Variants in TESMIN observed in about 807,000 individuals in gnomAD.
The protein encoded by TESMIN is testis expressed metallothionein like protein.
Under a neutral mutation model 47.4 loss-of-function variants are expected in TESMIN, and 34 were observed. The ratio of observed to expected loss-of-function variants is 0.72; its 90% CI spans 0.55 to 0.96. TESMIN has a LOEUF of 0.96. Ranked by LOEUF, TESMIN falls within the 40% of genes least tolerant of loss-of-function variation. The probability of loss-of-function intolerance (pLI) is 0.00; values close to 1 mark genes in which losing one functional copy is unlikely to be tolerated. For missense variants in TESMIN, 610 were observed against 637.2 expected, an observed-to-expected ratio of 0.96 and a Z score of 0.46; for synonymous variants, 278 against 258.9, an observed-to-expected ratio of 1.07 and a Z score of -0.71.
intron 4 of TESMIN, among the ~76,000 whole-genome samples, chr11:68,742,687 G>C (rs1409397429): frequency 6.6e-6 from 1 of 151,984 alleles, no homozygotes; most frequent in Non-Finnish European, 1.5e-5. Context: ...TTCCCAAATT[G>C]TGTGCCAAGG....
chr11:68,736,193 T>A, intron 6 of TESMIN: 2 of 985,338 alleles, frequency 2.0e-6, no homozygotes, highest in Non-Finnish European at 2.4e-6. Context: ...GCATCAACAA[T>A]GTGTCAGAAT....
At chr11:68,730,093 G>T (rs889350401) in intron 6 of TESMIN, among the ~76,000 whole-genome samples, 1 of 152,228 alleles carries the variant, frequency 6.6e-6, no homozygotes, top group Admixed American at 6.5e-5. Flanking sequence ...TGAAGGCTCA[G>T]ATGATTGTTA....
downstream of TESMIN, among the ~76,000 whole-genome samples, chr11:68,706,317 C>T (rs1166673996): frequency 1.3e-5 from 2 of 152,232 alleles, no homozygotes; most frequent in Non-Finnish European, 2.9e-5. Flanking sequence ...CGTGCCTGCC[C>T]AGGTTGGCTC....
chr11:68,731,953 C>T (rs1277467527), intron 6 of TESMIN, among the ~76,000 whole-genome samples: 2 of 152,218 alleles, frequency 1.3e-5, no homozygotes, highest in Non-Finnish European at 2.9e-5. Flanking sequence ...AAATAACATC[C>T]TTTTCCAGTG....
At chr11:68,742,490 C>T in intron 4 of TESMIN, 96 bp from the exon 5 acceptor site, 1 of 685,608 alleles carries the variant, frequency 1.5e-6, no homozygotes. Flanking sequence ...TGGACATGTC[C>T]TGTGCAAAGT....
chr11:68,745,430 T>A (rs996214163), intron 3 of TESMIN, among the ~76,000 whole-genome samples: 1 of 152,108 alleles, frequency 6.6e-6, no homozygotes, highest in Non-Finnish European at 1.5e-5. Flanking sequence ...CAGGTAGCCA[T>A]GCCCCAGAGC....
rs746549709 is a variant in TESMIN at position 68,750,568 on chromosome 11, C to T, written c.93G>A (p.Glu31=). Residue 31 remains glutamate, a synonymous_variant, in exon 2 of 10, where the codon GAG becomes GAA. Coordinates refer to ENST00000255087, the MANE Select transcript of TESMIN (RefSeq NM_004923.3). ...TCACGGGGGCCTTCAGGCCGATGTT[C>T]TCCGAAGCGAACGGACCCTCGGGGC... ...LLSPEGPFAS[E]NIGLKAPVKY... is the part of the protein sequence containing the mutation. The T allele has an allele frequency of 1.9e-6, 3 of 1,607,790 alleles. No homozygotes were observed. In the Admixed American group the frequency reaches 5.0e-5, roughly 27 times the overall value.
chr11:68,750,076 G>T, intron 2 of TESMIN, 114 bp downstream of exon 2: 1 of 839,046 alleles, frequency 1.2e-6, no homozygotes, highest in Non-Finnish European at 1.7e-6. Flanking sequence ...GGCTGTGTGT[G>T]GTGTCACCAG....
In TESMIN at chr11:68,722,524, CAA is replaced by C. The variant is rs112503074; in HGVS notation, c.918-6587_918-6586del. Among the ~76,000 whole-genome samples the C allele has an allele frequency of 2.1e-5, 3 of 143,828 alleles. No individual in the cohort carries two copies. In the South Asian group the frequency reaches 6.6e-4, roughly 31 times the overall value. 94.4% of individuals were successfully genotyped at this position (143,828 alleles called of 152,430 possible). A position where few individuals can be genotyped will look rare whatever the true frequency, so the allele number is the denominator to read the frequency against. ...GGAACCTAAATAAAACTTAAAACTT[CAA>C]AAAAAAAAAGTTGTTACAAATAAGT... On this transcript the variant is annotated intron_variant, in intron 6 of 9. Transcript: ENST00000255087.
chr11:68,713,205 C>T (rs992047642), intron 8 of TESMIN, 65 bp downstream of exon 8: 25 of 1,475,104 alleles, frequency 1.7e-5, no homozygotes, highest in South Asian at 2.8e-5. Context: ...TTTTTTTAAC[C>T]ACAAAAGTTA....
At chr11:68,733,739 A>C (rs1483061263) in intron 6 of TESMIN, 1 of 152,224 alleles carries the variant, frequency 6.6e-6, no homozygotes, top group Non-Finnish European at 1.5e-5. Context: ...TAAAGATTAA[A>C]AAAGAAAATG....
intron 6 of TESMIN, among the ~76,000 whole-genome samples, chr11:68,728,569 GT>G (rs777916499): frequency 2.0e-5 from 3 of 152,254 alleles, no homozygotes; most frequent in Non-Finnish European, 4.4e-5. Flanking sequence ...TGAACAACAG[GT>G]TTTCAGTGTA....
At chr11:68,717,800 C>T (rs1406393569) in intron 6 of TESMIN, among the ~76,000 whole-genome samples, 1 of 152,122 alleles carries the variant, frequency 6.6e-6, no homozygotes. Flanking sequence ...CTGGGACCCC[C>T]CTGCCACCGT....
At chr11:68,747,147 A>G in intron 3 of TESMIN, 61 bp downstream of exon 3, 1 of 1,536,934 alleles carries the variant, frequency 6.5e-7, no homozygotes, top group South Asian at 1.1e-5. Context: ...TCGACTTAGT[A>G]ATGATGGGGT....
chr11:68,739,190 T>C (rs1194059004), intron 5 of TESMIN, among the ~76,000 whole-genome samples: 1 of 152,258 alleles, frequency 6.6e-6, no homozygotes, highest in Non-Finnish European at 1.5e-5. Context: ...ATCTTGACAT[T>C]TGAAGTCTTG....
chr11:68,710,625 G>A, intron 9 of TESMIN: 1 of 460,632 alleles, frequency 2.2e-6, no homozygotes, highest in Non-Finnish European at 3.8e-6. Flanking sequence ...GTACAAAACG[G>A]GAGTAACTCA....
intron 9 of TESMIN, among the ~76,000 whole-genome samples, chr11:68,709,924 G>A (rs1946042810): frequency 1.3e-5 from 2 of 152,238 alleles, no homozygotes; most frequent in Non-Finnish European, 2.9e-5. Context: ...AATCTCAGCA[G>A]TTTGGGACTC....
At chr11:68,742,025 G>T (rs1946463393) in intron 5 of TESMIN, among the ~76,000 whole-genome samples, 1 of 152,236 alleles carries the variant, frequency 6.6e-6, no homozygotes, top group Admixed American at 6.5e-5. Context: ...GGAATATGCT[G>T]TTGGTGGGGT....
rs149683443 is a variant in TESMIN at position 68,740,097 on chromosome 11, G to A, written c.829-1309C>T. On this transcript the variant is annotated intron_variant, in intron 5 of 9. Transcript: ENST00000255087. The stretch of plus-strand genomic sequence containing the variant: ...CTCTTGGAGTGAAGGAAGTCAACTC[G>A]GAGGCAGGGCTTCTCAGACTCTGCT... Among the ~76,000 whole-genome samples the A allele has an allele frequency of 1.6e-4, 25 of 152,178 alleles. No homozygotes were observed. The East Asian group carries it at 3.7e-3, about 22-fold the overall frequency.
Sources: gnomAD v4.1 joint callset for allele counts (sites outside exome capture counted in the v4.1 genomes callset) on GRCh38, gnomAD v4.1.1 for gene constraint, MANE v1.5 for transcripts, NCBI Gene and HGNC (gene_info 2026-07-23, HGNC 2026-07-21) for gene names.